Variants in ZNF33B observed in about 807,000 individuals in gnomAD.
ZNF33B encodes the protein zinc finger protein 33B, also known as zinc finger protein 11b (KOX 2).
ZNF33B carries 29 observed loss-of-function variants against 45.8 expected under a neutral mutation model. The observed-to-expected ratio is 0.63, with a 90% CI of 0.47 to 0.86. ZNF33B has a LOEUF of 0.86. Ranked by LOEUF, ZNF33B falls within the 40% of genes least tolerant of loss-of-function variation. The pLI, the probability that ZNF33B is intolerant of heterozygous loss-of-function variation, is 0.00. For missense variants in ZNF33B, 831 were observed against 909.9 expected (o/e 0.91, Z 1.12); for synonymous variants, 305 against 307.8 (o/e 0.99, Z 0.10).
chr10:42,599,589 G>A (rs7918704), intron 4 of ZNF33B, among the ~76,000 whole-genome samples: 18 of 151,330 alleles, frequency 1.2e-4, no homozygotes, highest in Non-Finnish European at 1.9e-4. Context: ...TATGACAAAC[G>A]TCATATATGC....
intron 4 of ZNF33B, among the ~76,000 whole-genome samples, chr10:42,623,005 C>T (rs1838657353): frequency 6.6e-6 from 1 of 152,114 alleles, no homozygotes; most frequent in Non-Finnish European, 1.5e-5. Flanking sequence ...CGGTGGCTCA[C>T]GCCTGTAATC....
At chr10:42,585,350 G>C (rs1836911728), downstream of ZNF33B, among the ~76,000 whole-genome samples, 1 of 152,188 alleles carries the variant, frequency 6.6e-6, no homozygotes, top group Non-Finnish European at 1.5e-5. Context: ...GCACAAACTA[G>C]AACTGAACCA....
intron 4 of ZNF33B, among the ~76,000 whole-genome samples, chr10:42,608,508 C>T (rs1428187286): frequency 1.3e-5 from 2 of 151,532 alleles, no homozygotes; most frequent in African/African-American, 4.9e-5. Context: ...TGAGAATGCA[C>T]AAACATGCAC....
intron 4 of ZNF33B, among the ~76,000 whole-genome samples, chr10:42,611,562 A>G (rs1382964329): frequency 6.6e-6 from 1 of 152,196 alleles, no homozygotes; most frequent in Non-Finnish European, 1.5e-5. Flanking sequence ...TAGATAAAGT[A>G]CCAAAAATAC....
chr10:42,595,160 A>G (rs2132044946), intron 4 of ZNF33B, among the ~76,000 whole-genome samples: 1 of 152,342 alleles, frequency 6.6e-6, no homozygotes. Flanking sequence ...AAAAAGTGAC[A>G]GCCCATGCCT....
chr10:42,594,018 C>T lies in ZNF33B; in HGVS notation c.932G>A (p.Arg311Lys), dbSNP rs777559131. 3.7e-6 allele frequency: 6 copies of T among 1,614,064 alleles called. No individual in the cohort carries two copies. The highest frequency in any genetic ancestry group is 5.1e-6 in the Non-Finnish European group (6 of 1,179,964). The change falls in exon 5 of 5, where the codon AGG (arginine) becomes AAG (lysine). Residue 311 changes from arginine (R) to lysine (K), a missense_variant. Arg to Lys is a conservative substitution (Grantham distance 26). Coordinates refer to ENST00000359467, the MANE Select transcript of ZNF33B (RefSeq NM_006955.3). ...YDCGESGNNF[R>K]RKLCLSQLQK... ...AAGCTGTGACAGACACAATTTCCTCCTGAAATTATTCCCACTTTCACCACA... is the reference window on the plus strand; with the variant it reads ...AAGCTGTGACAGACACAATTTCCTCTTGAAATTATTCCCACTTTCACCACA...
chr10:42,626,538 A>G (rs1838815006), intron 4 of ZNF33B, among the ~76,000 whole-genome samples: 1 of 152,126 alleles, frequency 6.6e-6, no homozygotes, highest in African/African-American at 2.4e-5. Flanking sequence ...AAATACAAAA[A>G]TTAGCCGAGC....
At chr10:42,638,166 T>C (rs1476496734) in intron 1 of ZNF33B, among the ~76,000 whole-genome samples, 1 of 152,148 alleles carries the variant, frequency 6.6e-6, no homozygotes, top group African/African-American at 2.4e-5. Context: ...CACATGGGCG[T>C]AAACACGCTC....
intron 4 of ZNF33B, among the ~76,000 whole-genome samples, chr10:42,623,772 G>GTA (rs1385192556): frequency 1.3e-5 from 2 of 152,210 alleles, no homozygotes; most frequent in African/African-American, 2.4e-5. Flanking sequence ...AACATTGTGA[G>GTA]TGTAATGCCA....
chr10:42,617,386 T>C (rs1838372100), intron 4 of ZNF33B, among the ~76,000 whole-genome samples: 1 of 150,914 alleles, frequency 6.6e-6, no homozygotes, highest in African/African-American at 2.4e-5. Flanking sequence ...TTACAGGCAT[T>C]TGCCACCGCA....
In ZNF33B at chr10:42,594,654, T is replaced by C. The variant is rs777555214; in HGVS notation, c.296A>G (p.Gln99Arg). 1 of 1,599,318 alleles carries C rather than the reference T, an allele frequency of 6.3e-7. No individual in the cohort carries two copies. Reference sequence around the variant, plus strand: ...TACAACTTCCCACAAATGTTTAGATTGATTTTCTTGGCTCCTCTCTTTCAG... The same window carrying C: ...TACAACTTCCCACAAATGTTTAGATCGATTTTCTTGGCTCCTCTCTTTCAG... The part of the protein sequence containing the change: ...DHLKERSQEN[Q>R]SKHLWEVVFI... Residue 99 changes from glutamine (Q) to arginine (R), a missense_variant, in exon 5 of 5, where the codon CAA (glutamine) becomes CGA (arginine). Physicochemically the swap from Gln to Arg is conservative, Grantham distance 43 (BLOSUM62 1). Coordinates refer to ENST00000359467, the MANE Select transcript of ZNF33B (RefSeq NM_006955.3).
At chr10:42,597,195 C>T (rs537536321) in intron 4 of ZNF33B, among the ~76,000 whole-genome samples, 15 of 151,664 alleles carry the variant, frequency 9.9e-5, no homozygotes, top group Admixed American at 5.9e-4. Flanking sequence ...CTCTTTTTTT[C>T]ATTTTAATAC....
rs193116371 is a variant in ZNF33B, at chr10:42,611,596, T to C, written c.251-16897A>G. Among the ~76,000 whole-genome samples the C allele has an allele frequency of 2.2e-3, 340 of 152,152 alleles. 9 individuals carry two copies. The highest frequency in any genetic ancestry group is 1.9e-4 in the Non-Finnish European group (13 of 67,990). On this transcript the variant is annotated intron_variant, in intron 4 of 4. Transcript: ENST00000359467. Reference sequence around the variant, plus strand: ...ACAAGCAACAAAAGAAAAAACAAATTAGACTTCATGGAATGAAAAACTCTT... The same window carrying C: ...ACAAGCAACAAAAGAAAAAACAAATCAGACTTCATGGAATGAAAAACTCTT...
chr10:42,580,914 T>TAATAA (rs1352571057), intron 1 of ZNF33B, among the ~76,000 whole-genome samples: 1 of 151,264 alleles, frequency 6.6e-6, no homozygotes, highest in East Asian at 2.0e-4. Flanking sequence ...AATAAATAAA[T>TAATAA]AATAAAATAA....
chr10:42,636,599 A>T (rs1243109477), intron 2 of ZNF33B, among the ~76,000 whole-genome samples: 1 of 152,190 alleles, frequency 6.6e-6, no homozygotes. Context: ...AGGCGGGCGG[A>T]TTGCCTGAGC....
chr10:42,585,180 T>C (rs1564489282), downstream of ZNF33B, among the ~76,000 whole-genome samples: 1 of 152,188 alleles, frequency 6.6e-6, no homozygotes, highest in African/African-American at 2.4e-5. Context: ...CTGGCCTCAC[T>C]TCATGGCCTA....
chr10:42,637,959 T>C (rs972704703), intron 1 of ZNF33B, among the ~76,000 whole-genome samples: 8 of 152,216 alleles, frequency 5.3e-5, no homozygotes, highest in Admixed American at 3.3e-4. Context: ...GCCAAAATTA[T>C]GTAATTCTTG....
At chr10:42,609,448 C>A (rs1178514062) in intron 4 of ZNF33B, among the ~76,000 whole-genome samples, 4 of 152,016 alleles carry the variant, frequency 2.6e-5, no homozygotes, top group Non-Finnish European at 5.9e-5. Flanking sequence ...AAGAAAACTT[C>A]CCATTACAAA....
intron 4 of ZNF33B, among the ~76,000 whole-genome samples, chr10:42,628,466 T>C (rs1564525883): frequency 6.6e-6 from 1 of 152,268 alleles, no homozygotes; most frequent in African/African-American, 2.4e-5. Flanking sequence ...TAAAATGTGC[T>C]TTTCTCTTTT....
Sources: allele counts gnomAD v4.1 joint callset (sites outside exome capture counted in the v4.1 genomes callset), GRCh38; gene constraint gnomAD v4.1.1; transcripts MANE v1.5; gene names NCBI Gene and HGNC (gene_info 2026-07-23, HGNC 2026-07-21).